The following OR3A2 variants were observed in gnomAD, a reference collection of about 807,000 sequenced individuals.
The protein encoded by OR3A2 is olfactory receptor family 3 subfamily A member 2.
For synonymous variants in OR3A2, 126 were observed against 159.3 expected, an observed-to-expected ratio of 0.79 and a Z score of 1.57; for missense variants, 318 against 392.8, an observed-to-expected ratio of 0.81 and a Z score of 1.61.
At chr17:3,343,207 A>C (rs955322552) in intron 2 of OR3A2, among the ~76,000 whole-genome samples, 3 of 152,080 alleles carry the variant, frequency 2.0e-5, no homozygotes, top group Non-Finnish European at 4.4e-5. Flanking sequence ...GACCCCTTGC[A>C]CTTCCCAGGT....
At chr17:3,348,364 T>A (rs1385734668) in intron 2 of OR3A2, among the ~76,000 whole-genome samples, 1 of 152,000 alleles carries the variant, frequency 6.6e-6, no homozygotes, top group African/African-American at 2.4e-5. Flanking sequence ...TCTTCTAGGG[T>A]TTTCATGGTT....
At chr17:3,289,618 C>G (rs2048846487) in intron 3 of OR3A2, among the ~76,000 whole-genome samples, 1 of 152,316 alleles carries the variant, frequency 6.6e-6, no homozygotes, top group African/African-American at 2.4e-5. Flanking sequence ...TCAGGGTAAA[C>G]AGATACAGTC....
intron 3 of OR3A2, among the ~76,000 whole-genome samples, chr17:3,334,321 C>A (rs951389936): frequency 1.6e-4 from 25 of 152,064 alleles, no homozygotes; most frequent in Non-Finnish European, 2.9e-4. Context: ...CATTCCTGGC[C>A]TCTGGTAACC....
intron 3 of OR3A2, among the ~76,000 whole-genome samples, chr17:3,312,583 T>A (rs1445993738): frequency 2.0e-5 from 3 of 152,164 alleles, no homozygotes; most frequent in African/African-American, 7.2e-5. Context: ...TAAGAATGTA[T>A]CACTGTATGT....
intron 2 of OR3A2, among the ~76,000 whole-genome samples, chr17:3,368,607 T>C (rs905361041): frequency 1.3e-5 from 2 of 152,228 alleles, no homozygotes; most frequent in East Asian, 3.8e-4. Flanking sequence ...TCTGTTTTTA[T>C]ATCAGTACCA....
intron 3 of OR3A2, among the ~76,000 whole-genome samples, chr17:3,325,711 T>C (rs1334747670): frequency 6.6e-6 from 1 of 152,108 alleles, no homozygotes; most frequent in Non-Finnish European, 1.5e-5. Flanking sequence ...CATCTCAGCC[T>C]TTTGGTTAAG....
chr17:3,321,522 T>C (rs967722179), intron 3 of OR3A2, among the ~76,000 whole-genome samples: 1 of 152,234 alleles, frequency 6.6e-6, no homozygotes, highest in East Asian at 1.9e-4. Context: ...GGGTTTGTCA[T>C]AGATAGCTCT....
intron 3 of OR3A2, among the ~76,000 whole-genome samples, chr17:3,326,524 T>C (rs1465275494): frequency 6.6e-6 from 1 of 151,640 alleles, no homozygotes; most frequent in African/African-American, 2.4e-5. Flanking sequence ...TTAATACTTT[T>C]ATAATTTCTT....
rs138622611 is a variant in OR3A2 at position 3,325,132 on chromosome 17, T to C, written c.-85+10901A>G. 5.1e-3 allele frequency among the ~76,000 whole-genome samples: 778 copies of C among 152,116 alleles called. 12 individuals carry two copies. Among genetic ancestry groups the C allele is most frequent in the African/African-American group, 0.018 (742 of 41,450 alleles). ...TTATACTTTCATATTCAAAATTCATTTTAGTAAATGTTGTGATAAAGGGGT... is the reference window on the plus strand; with the variant it reads ...TTATACTTTCATATTCAAAATTCATCTTAGTAAATGTTGTGATAAAGGGGT... On this transcript the variant is annotated intron_variant, in intron 3 of 4. Coordinates refer to the OR3A2 transcript ENST00000573491.
intron 3 of OR3A2, among the ~76,000 whole-genome samples, chr17:3,321,919 C>G (rs1388508639): frequency 6.6e-6 from 1 of 152,130 alleles, no homozygotes; most frequent in African/African-American, 2.4e-5. Context: ...TGGATTCCCT[C>G]TTTTTCTTTT....
intron 3 of OR3A2, among the ~76,000 whole-genome samples, chr17:3,330,568 G>A (rs1357695703): frequency 1.3e-5 from 2 of 152,008 alleles, no homozygotes; most frequent in African/African-American, 4.8e-5. Flanking sequence ...TTGCTTGGTA[G>A]ATCTTTCTCC....
At chr17:3,298,449 T>C (rs1443392790) in intron 3 of OR3A2, 1 of 151,714 alleles carries the variant, frequency 6.6e-6, no homozygotes, top group Admixed American at 6.6e-5. Context: ...CCCCGAGAAA[T>C]GGGTCCAGGC....
rs1464663876 is a variant in OR3A2 at position 3,279,090 on chromosome 17, A to T, written c.-6-167T>A. 2 of 1,211,110 alleles carry T rather than the reference A, an allele frequency of 1.7e-6. No individual in the cohort carries two copies. 75.0% of individuals were successfully genotyped at this position (1,211,110 alleles called of 1,614,324 possible). A position where few individuals can be genotyped will look rare whatever the true frequency, so the allele number is the denominator to read the frequency against. ...AATGCCTTTACCTTGCTCTTGGTTG[A>T]CATGCCCAATGACACCACCACCTTG... On this transcript the variant is annotated intron_variant, in intron 1 of 1. It introduces an in-frame stop codon into an upstream open reading frame of the 5' UTR. Coordinates refer to ENST00000642052, the Ensembl canonical transcript of OR3A2.
At chr17:3,321,083 G>C (rs1018102416) in intron 3 of OR3A2, among the ~76,000 whole-genome samples, 4 of 152,080 alleles carry the variant, frequency 2.6e-5, no homozygotes, top group African/African-American at 9.7e-5. Flanking sequence ...TCTCCTTGAA[G>C]AGGTCCTTCA....
intron 2 of OR3A2, among the ~76,000 whole-genome samples, chr17:3,346,612 T>A (rs1054209437): frequency 1.3e-5 from 2 of 152,154 alleles, no homozygotes; most frequent in East Asian, 3.9e-4. Context: ...TCTGCTGTGC[T>A]ATCAAATACT....
At chr17:3,279,713 G>A (rs749415540) in intron 1 of OR3A2, among the ~76,000 whole-genome samples, 1 of 152,166 alleles carries the variant, frequency 6.6e-6, no homozygotes, top group Non-Finnish European at 1.5e-5. Context: ...GCTTGAACCC[G>A]AGACGTGGAG....
intron 3 of OR3A2, among the ~76,000 whole-genome samples, chr17:3,332,373 C>T (rs9910940): frequency 0.15 from 22,942 of 152,080 alleles, 2,294 homozygotes; most frequent in African/African-American, 0.28. Context: ...ACTCCGTGGG[C>T]GTAGGACCCT....
At chr17:3,385,380 TTAGA>T (rs1193357979) in intron 1 of OR3A2, among the ~76,000 whole-genome samples, 5 of 152,040 alleles carry the variant, frequency 3.3e-5, no homozygotes. Context: ...TAAATAGATG[TTAGA>T]TAGATTACAC....
At chr17:3,326,565 T>TA (rs1567555652) in intron 3 of OR3A2, among the ~76,000 whole-genome samples, 4 of 150,340 alleles carry the variant, frequency 2.7e-5, no homozygotes, top group Non-Finnish European at 5.9e-5. Flanking sequence ...TTCTTTTTTT[T>TA]ATTATACTTT....
Sources: allele counts gnomAD v4.1 joint callset (sites outside exome capture counted in the v4.1 genomes callset), GRCh38; gene constraint gnomAD v4.1.1; transcripts MANE v1.5; gene names NCBI Gene and HGNC (gene_info 2026-07-23, HGNC 2026-07-21).